Variants in UPF1 observed in about 807,000 individuals in gnomAD.
UPF1 encodes regulator of nonsense transcripts 1.
In UPF1, 9 loss-of-function variants were observed where a neutral mutation model predicts 129.2. That is an observed-to-expected ratio of 0.07 (90% CI 0.04 to 0.12). UPF1 has a LOEUF of 0.12. UPF1 is among the 10% of genes least tolerant of loss of function. The pLI is 1.00. For synonymous variants in UPF1, 649 were observed against 644.9 expected, an observed-to-expected ratio of 1.01 and a Z score of -0.10; for missense variants, 788 against 1,525.3, an observed-to-expected ratio of 0.52 and a Z score of 8.05.
rs1022112311 is a variant in UPF1, at chr19:18,855,335, C to T, written c.1544+93C>T. The T allele has an allele frequency of 5.0e-6, 7 of 1,402,068 alleles. No homozygotes were observed. The African/African-American group carries it at 1.0e-4, about 20-fold the overall frequency. 86.9% of individuals were successfully genotyped at this position (1,402,068 alleles called of 1,614,324 possible). On this transcript the variant is annotated intron_variant, in intron 11 of 23. Transcript: ENST00000262803. ...GTGCTGGGAGCCTTGGGCTCTGTCA[C>T]ACCGAAGAGAGCACGTGGCGGGTAG...
chr19:18,861,916 G>T, intron 17 of UPF1, 94 bp from the exon 18 acceptor site: 1 of 1,509,684 alleles, frequency 6.6e-7, no homozygotes. Flanking sequence ...CTCCCGGGTG[G>T]GATTTGAGGG....
At chr19:18,859,666 A>G (rs1293869367) in intron 15 of UPF1, 1 of 152,318 alleles carries the variant, frequency 6.6e-6, no homozygotes, top group Non-Finnish European at 1.5e-5. Context: ...GGTTTTCTCC[A>G]CTGATGGAAG....
In UPF1 at chr19:18,852,087, A is replaced by G. The variant is rs536158055; in HGVS notation, c.811-48A>G. 2.6e-6 allele frequency: 4 copies of G among 1,543,118 alleles called. No individual in the cohort carries two copies. The African/African-American group carries it at 4.2e-5, about 16-fold the overall frequency. On this transcript the variant is annotated intron_variant, in intron 5 of 23. Coordinates refer to ENST00000262803, the MANE Select transcript of UPF1 (RefSeq NM_002911.4). Reference sequence around the variant, plus strand: ...TGCCTCTGCGCCCTCGTTCATTTGCATGTAGGGAAAAACAGGACGAGTGTG... The same window carrying G: ...TGCCTCTGCGCCCTCGTTCATTTGCGTGTAGGGAAAAACAGGACGAGTGTG...
rs918212420 is a variant in UPF1 at position 18,842,342 on chromosome 19, C to T, written c.232-3638C>T. ...AACCAACAGTGTGGCAGGCTGGGTG[C>T]GCTCATGAGCCAGCTGTTTTGTGGG... On this transcript the variant is annotated intron_variant, in intron 1 of 23. Transcript: ENST00000262803. 5.3e-5 allele frequency among the ~76,000 whole-genome samples: 8 copies of T among 152,086 alleles called. 1 individual carries two copies. Among genetic ancestry groups the T allele is most frequent in the South Asian group, 4.1e-4 (2 of 4,822 alleles).
chr19:18,862,225 G>A, intron 18 of UPF1, 73 bp downstream of exon 18: 2 of 1,575,704 alleles, frequency 1.3e-6, no homozygotes, highest in South Asian at 2.3e-5. Context: ...TGGGGCTAGG[G>A]TTGGGGGTTG....
intron 1 of UPF1, among the ~76,000 whole-genome samples, chr19:18,835,264 G>A (rs190695508): frequency 1.9e-4 from 29 of 152,236 alleles, no homozygotes; most frequent in Admixed American, 8.5e-4. Flanking sequence ...GGTGAGCTTC[G>A]TAGCTGTTCC....
rs753763496 is a variant in UPF1 at position 18,856,045 on chromosome 19, G to A, written c.1665G>A (p.Pro555=). 2.5e-6 allele frequency: 4 copies of A among 1,614,066 alleles called. No homozygotes were observed. Among genetic ancestry groups the A allele is most frequent in the African/African-American group, 1.3e-5 (1 of 75,062 alleles). ...AGAGCCGTGAGGCCATCGACTCCCC[G>A]GTGTCTTTTCTGGCCCTGCACAACC... ...CAKSREAIDS[P]VSFLALHNQI... The change falls in exon 12 of 24, where the codon CCG becomes CCA. Residue 555 remains proline, a synonymous_variant. Transcript: ENST00000262803.
chr19:18,855,220 C>T lies in UPF1; in HGVS notation c.1522C>T (p.His508Tyr). 1.2e-6 allele frequency: 2 copies of T among 1,612,240 alleles called. No individual in the cohort carries two copies. Among genetic ancestry groups the T allele is most frequent in the Non-Finnish European group, 1.7e-6 (2 of 1,179,978 alleles). ...KTVTSATIVY[H>Y]LARQGNGPVL... ...GGTGACGTCGGCCACCATCGTCTAC[C>T]ACCTGGCCCGGCAAGGCAACGGGTA... is the stretch of plus-strand genomic sequence containing the variant. The change falls in exon 11 of 24, where the codon CAC (histidine) becomes TAC (tyrosine). Residue 508 changes from histidine (H) to tyrosine (Y), a missense_variant. His to Tyr is a moderately conservative substitution (Grantham distance 83, BLOSUM62 2). This residue lies in a region of UPF1 where 91 missense variants were observed against 157.2 expected (regional missense o/e 0.58). Transcript: ENST00000262803.
Position 18,851,398 on chromosome 19 carries a change from T to C in UPF1, c.810+530T>C, listed in dbSNP as rs2055657946. ...AGCTGTTTAGGATTTTGTGATAAAG[T>C]AGTTCTAATAACTAGGCTAGAAGTT... On this transcript the variant is annotated intron_variant, in intron 5 of 23. Coordinates refer to ENST00000262803, the MANE Select transcript of UPF1 (RefSeq NM_002911.4). This position sits in a 1 kb window ranked among gnomAD's most constrained non-coding sequence, Gnocchi z 4.2. 6.6e-6 allele frequency among the ~76,000 whole-genome samples: 1 copy of C among 152,228 alleles called. No individual in the cohort carries two copies. The highest frequency in any genetic ancestry group is 1.5e-5 in the Non-Finnish European group (1 of 68,046).
chr19:18,866,257 G>A, intron 23 of UPF1, 91 bp downstream of exon 23: 3 of 1,443,450 alleles, frequency 2.1e-6, no homozygotes, highest in Non-Finnish European at 2.7e-6. Context: ...CTGGAGGGGT[G>A]GTATCTGGAA....
Position 18,851,984 on chromosome 19 carries a change from TG to T in UPF1, c.811-147del. The T allele has an allele frequency of 8.7e-7, 1 of 1,146,782 alleles. No individual in the cohort carries two copies. Among genetic ancestry groups the T allele is most frequent in the Admixed American group, 3.4e-5 (1 of 29,156 alleles). 71.0% of individuals were successfully genotyped at this position (1,146,782 alleles called of 1,614,324 possible). On this transcript the variant is annotated intron_variant, in intron 5 of 23. Coordinates refer to ENST00000262803, the MANE Select transcript of UPF1 (RefSeq NM_002911.4). The surrounding 1 kb of genome is among the most constrained non-coding windows in gnomAD (Gnocchi z 4.2). The stretch of plus-strand genomic sequence containing the variant: ...CCGTTCCCAGGGTTCTCCTTGCAGG[TG>T]GGGCTGCGCCAGAACCCCTCCATGC...
chr19:18,851,042 C>G lies in UPF1; in HGVS notation c.810+174C>G, dbSNP rs1273096126. The G allele has an allele frequency of 4.2e-6, 3 of 716,162 alleles. No homozygotes were observed. The highest frequency in any genetic ancestry group is 6.3e-6 in the Non-Finnish European group (3 of 476,472). 44.4% of individuals were successfully genotyped at this position (716,162 alleles called of 1,614,324 possible). On this transcript the variant is annotated intron_variant, in intron 5 of 23. Coordinates refer to ENST00000262803, the MANE Select transcript of UPF1 (RefSeq NM_002911.4). The surrounding 1 kb of genome is among the most constrained non-coding windows in gnomAD (Gnocchi z 4.2). Reference sequence around the variant, plus strand: ...GACCTCAGGGCACCTTGGTCACCTTCCATCCAGGCAGCCTTACCTGACCGA... The same window carrying G: ...GACCTCAGGGCACCTTGGTCACCTTGCATCCAGGCAGCCTTACCTGACCGA...
In UPF1 at chr19:18,832,138, G is replaced by A. The variant is rs2055431802; in HGVS notation, c.-72G>A. 1.4e-6 allele frequency: 2 copies of A among 1,401,814 alleles called. No homozygotes were observed. The highest frequency in any genetic ancestry group is 2.6e-5 in the South Asian group (2 of 75,656). 86.8% of individuals were successfully genotyped at this position (1,401,814 alleles called of 1,614,324 possible). Reference sequence around the variant, plus strand: ...CAGCGGCAGCGACCCGAGGCCTGCGGCCTAGGCCTCAGCGCGGCGGCGGGC... The same window carrying A: ...CAGCGGCAGCGACCCGAGGCCTGCGACCTAGGCCTCAGCGCGGCGGCGGGC... On this transcript the variant is annotated 5_prime_UTR_variant, in exon 1 of 24. Transcript: ENST00000262803. The surrounding 1 kb of genome is among the most constrained non-coding windows in gnomAD (Gnocchi z 5.6).
intron 15 of UPF1, 127 bp downstream of exon 15, chr19:18,857,660 A>G (rs928849602): frequency 4.7e-5 from 53 of 1,132,260 alleles, no homozygotes; most frequent in Middle Eastern, 2.8e-4. Context: ...GCTTGAGGTC[A>G]GGGCACTTTG....
chr19:18,837,280 G>T (rs1343870233), intron 1 of UPF1, among the ~76,000 whole-genome samples: 1 of 152,168 alleles, frequency 6.6e-6, no homozygotes, highest in East Asian at 1.9e-4. Flanking sequence ...GTAGAGATGG[G>T]GTTTTGCCAT....
intron 2 of UPF1, 86 bp from the exon 3 acceptor site, chr19:18,847,658 T>C (rs2055615148): frequency 1.5e-6 from 2 of 1,297,126 alleles, no homozygotes; most frequent in Non-Finnish European, 2.2e-6. Context: ...TTAAAAATGT[T>C]GTCAGAGGAA....
intron 2 of UPF1, 129 bp from the exon 3 acceptor site, chr19:18,847,615 T>G: frequency 2.3e-5 from 18 of 768,932 alleles, no homozygotes; most frequent in East Asian, 8.2e-5. Context: ...GTTACTGGGA[T>G]TGTTGGGGTT....
chr19:18,832,362 CGGCGGCCCGGGCGGT>C lies in UPF1; in HGVS notation c.160_174del (p.Pro54_Gly58del). The stretch of plus-strand genomic sequence containing the variant: ...AGACGCAGACGCCCCCCGGCGGCCC[CGGCGGCCCGGGCGGT>C]GGCGGCGCGGGAGGCCCGGGCGGCG... On this transcript the variant is annotated inframe_deletion, in exon 1 of 24. Transcript: ENST00000262803. This position sits in a 1 kb window ranked among gnomAD's most constrained non-coding sequence, Gnocchi z 5.6. The C allele has an allele frequency of 3.0e-6, 4 of 1,327,928 alleles. No individual in the cohort carries two copies. Among genetic ancestry groups the C allele is most frequent in the Non-Finnish European group, 3.9e-6 (4 of 1,015,892 alleles). 82.3% of individuals were successfully genotyped at this position (1,327,928 alleles called of 1,614,324 possible).
Position 18,864,184 on chromosome 19 carries a change from G to T in UPF1, c.2790G>T (p.Met930Ile). Residue 930 changes from methionine to isoleucine, a missense_variant, in exon 20 of 24, where the codon ATG becomes ATT. Met to Ile is a conservative substitution (Grantham distance 10). Transcript: ENST00000262803. ...AACCTTCGCAGGGAGCCCGCTTCAT[G>T]ACCACAGCCATGTATGATGCCCGGG... ...VNTINPGARF[M>I]TTAMYDAREA... The T allele has an allele frequency of 6.2e-7, 1 of 1,613,948 alleles. No homozygotes were observed. Among genetic ancestry groups the T allele is most frequent in the South Asian group, 1.1e-5 (1 of 91,046 alleles).
Sources: gnomAD v4.1 joint callset for allele counts (sites outside exome capture counted in the v4.1 genomes callset) on GRCh38, gnomAD v4.1.1 for gene constraint, gnomAD v4.1.1 regional missense constraint, Gnocchi (gnomAD v3.1) non-coding constraint, MANE v1.5 for transcripts, NCBI Gene and HGNC (gene_info 2026-07-23, HGNC 2026-07-21) for gene names.